LACTBL1: variants seen among roughly 807,000 people sequenced by gnomAD.
LACTBL1 encodes the protein beta-lactamase-like protein 1.
A neutral mutation model predicts 39.6 loss-of-function variants in LACTBL1; 29 were observed. The observed-to-expected ratio is 0.73, with a 90% CI of 0.55 to 1.00. The LOEUF (loss-of-function observed/expected upper bound fraction) is 1.00, where lower values mean the gene tolerates loss of function less well. Among genes scored for constraint, LACTBL1 ranks in the 50% least tolerant of loss-of-function variants. The pLI, the probability that LACTBL1 is intolerant of heterozygous loss-of-function variation, is 0.00. For missense variants in LACTBL1, 711 were observed against 748.5 expected, an observed-to-expected ratio of 0.95 and a Z score of 0.59; for synonymous variants, 361 against 360.7, an observed-to-expected ratio of 1.00 and a Z score of -0.01.
upstream of LACTBL1, among the ~76,000 whole-genome samples, chr1:22,967,628 T>G (rs309515): frequency 0.8 from 122,123 of 151,784 alleles, 49,558 homozygotes; most frequent in Non-Finnish European, 0.83. Context: ...ATATAATGGT[T>G]CCATACATAT....
intron 4 of LACTBL1, among the ~76,000 whole-genome samples, chr1:22,958,258 T>A (rs1195380239): frequency 2.0e-5 from 3 of 151,960 alleles, no homozygotes; most frequent in Non-Finnish European, 1.5e-5. Context: ...GGCTATTTTT[T>A]AAAATTTTTA....
At chr1:22,963,167 C>T in exon 2 of LACTBL1, 1 of 1,326,904 alleles carries the variant, frequency 7.5e-7, no homozygotes, top group South Asian at 2.3e-5. Flanking sequence ...GCTCAGGGTG[C>T]CGGGGACACA....
chr1:22,953,930 C>A (rs751473265), exon 6 of LACTBL1: 5 of 1,550,378 alleles, frequency 3.2e-6, no homozygotes, highest in Non-Finnish European at 4.4e-6. Context: ...GGCTCCAGCA[C>A]GTTCTCCGAG....
At chr1:22,972,812 C>T in the LACTBL1 span, 38 of 952,420 alleles carry the variant, frequency 4.0e-5, no homozygotes, top group Middle Eastern at 5.3e-4. Flanking sequence ...CAGTTAGGGC[C>T]CCAGTTTGGC....
intron 2 of LACTBL1, 31 bp from the exon 5 acceptor site, chr1:22,960,130 G>T (rs1557771201): frequency 6.5e-7 from 1 of 1,548,938 alleles, no homozygotes. Flanking sequence ...GCAGTGACAG[G>T]CCCCCCTGCC....
exon 6 of LACTBL1, chr1:22,953,930 C>G (rs751473265): frequency 1.2e-5 from 19 of 1,550,260 alleles, no homozygotes; most frequent in South Asian, 8.3e-5. Context: ...GGCTCCAGCA[C>G]GTTCTCCGAG....
At chr1:22,960,225 C>T (rs1182886734) in intron 2 of LACTBL1, 126 bp from the exon 5 acceptor site, 7 of 1,162,496 alleles carry the variant, frequency 6.0e-6, no homozygotes, top group Non-Finnish European at 8.4e-6. Context: ...CCCAGCTATG[C>T]CCCATGGGCT....
At chr1:22,960,494 G>A (rs1375651440) in intron 2 of LACTBL1, among the ~76,000 whole-genome samples, 1 of 151,916 alleles carries the variant, frequency 6.6e-6, no homozygotes, top group Non-Finnish European at 1.5e-5. Context: ...GCGGGCGCCT[G>A]TAATCCCAGC....
At chr1:22,953,383 G>T (rs1228939896) in exon 6 of LACTBL1, 1 of 1,228,306 alleles carries the variant, frequency 8.1e-7, no homozygotes, top group Non-Finnish European at 1.0e-6. Context: ...GTTGGCGAAG[G>T]TGAAGTAGCC....
chr1:22,957,791 C>T (rs970942641), intron 4 of LACTBL1, among the ~76,000 whole-genome samples: 2 of 151,916 alleles, frequency 1.3e-5, no homozygotes, highest in African/African-American at 4.8e-5. Flanking sequence ...GCTGGGATTA[C>T]AGGCGCAAGC....
chr1:22,968,065 G>A (rs1351169287), upstream of LACTBL1, among the ~76,000 whole-genome samples: 1 of 151,944 alleles, frequency 6.6e-6, no homozygotes, highest in African/African-American at 2.4e-5. Context: ...CTTTTACTAT[G>A]TGTTTATGTT....
rs1425060113 is a variant in LACTBL1 at position 22,962,825 on chromosome 1, C to T, written c.159+282G>A. 2.0e-5 allele frequency among the ~76,000 whole-genome samples: 3 copies of T among 152,078 alleles called. No homozygotes were observed. In the East Asian group the frequency reaches 5.8e-4, roughly 29 times the overall value. On this transcript the variant is annotated intron_variant, in intron 2 of 5. Transcript: ENST00000426928. ...GACCCTAAGGCCTGTTCCTTTGTGC[C>T]CCCAAAGTCCCCTAAACTTTTCTTA...
chr1:22,963,905 C>T (rs1241536290), intron 1 of LACTBL1, among the ~76,000 whole-genome samples: 2 of 152,104 alleles, frequency 1.3e-5, no homozygotes, highest in East Asian at 1.9e-4. Flanking sequence ...GAGACAAGGT[C>T]CCTGCGGTAG....
At chr1:22,964,149 C>T (rs752711743) in intron 1 of LACTBL1, among the ~76,000 whole-genome samples, 7 of 152,108 alleles carry the variant, frequency 4.6e-5, no homozygotes, top group Non-Finnish European at 7.4e-5. Context: ...GTTGGTCAGG[C>T]TAGTCTTGAA....
In LACTBL1 at chr1:22,965,285, C is replaced by T; in HGVS notation, c.49+5G>A. ...GGAGGAACTCAAGGCTGTCTCTGCACTCACCGGTCTTCAGCTTGGGGAGGT... is the reference window on the plus strand; with the variant it reads ...GGAGGAACTCAAGGCTGTCTCTGCATTCACCGGTCTTCAGCTTGGGGAGGT... On this transcript the variant is annotated splice_donor_5th_base_variant and intron_variant, in intron 1 of 5. Transcript: ENST00000426928. 1 of 1,319,438 alleles carries T rather than the reference C, an allele frequency of 7.6e-7. No individual in the cohort carries two copies. Among genetic ancestry groups the T allele is most frequent in the Non-Finnish European group, 9.7e-7 (1 of 1,028,136 alleles). The allele number at this position is 1,319,438 out of a possible 1,614,324, so 81.7% of individuals were successfully genotyped here. A position where few individuals can be genotyped will look rare whatever the true frequency, so the allele number is the denominator to read the frequency against.
chr1:22,960,023 G>T (rs1361561544), exon 3 of LACTBL1: 4 of 1,550,988 alleles, frequency 2.6e-6, no homozygotes. Context: ...CCAGAGCACA[G>T]TATCATTGTG....
chr1:22,965,698 C>A (rs971807466), upstream of LACTBL1, among the ~76,000 whole-genome samples: 18 of 152,178 alleles, frequency 1.2e-4, no homozygotes, highest in African/African-American at 3.9e-4. Context: ...AATGCCACCT[C>A]CTCCAGGAAG....
chr1:22,953,847 G>A (rs1640734750), exon 6 of LACTBL1: 3 of 1,548,428 alleles, frequency 1.9e-6, no homozygotes, highest in Non-Finnish European at 2.6e-6. Flanking sequence ...GCCGCCCGCT[G>A]CCGTAGAAGC....
At chr1:22,972,176 GATGATGATGATGAT>G in the LACTBL1 span, 1 of 182,616 alleles carries the variant, frequency 5.5e-6, no homozygotes, top group Non-Finnish European at 1.0e-5. Context: ...TGATGATGAT[GATGATGATGATGAT>G]GAAGGTAACG....
Sources: gnomAD v4.1 joint callset for allele counts (sites outside exome capture counted in the v4.1 genomes callset) on GRCh38, gnomAD v4.1.1 for gene constraint, MANE v1.5 for transcripts, NCBI Gene and HGNC (gene_info 2026-07-23, HGNC 2026-07-21) for gene names.